Variants in GRIK1 observed in about 807,000 individuals in gnomAD.
GRIK1 encodes glutamate ionotropic receptor kainate type subunit 1, also known as glutamate receptor ionotropic, kainate 1.
A neutral mutation model predicts 105.7 loss-of-function variants in GRIK1; 69 were observed. The observed-to-expected ratio is 0.65, with a 90% CI of 0.54 to 0.80. GRIK1 has a LOEUF of 0.80. Among genes scored for constraint, GRIK1 ranks in the 30% least tolerant of loss-of-function variants. The probability of loss-of-function intolerance (pLI) is 0.00; values close to 1 mark genes in which losing one functional copy is unlikely to be tolerated. For synonymous variants in GRIK1, 438 were observed against 431.3 expected, an observed-to-expected ratio of 1.02 and a Z score of -0.19; for missense variants, 1,109 against 1,167.3, an observed-to-expected ratio of 0.95 and a Z score of 0.73.
chr21:29,747,815 A>G (rs1221729244), intron 1 of GRIK1, among the ~76,000 whole-genome samples: 1 of 152,216 alleles, frequency 6.6e-6, no homozygotes, highest in Non-Finnish European at 1.5e-5. Flanking sequence ...GCGACAGAGC[A>G]TGACTCCATC....
chr21:29,939,136 C>G (rs1334223732), intron 1 of GRIK1, among the ~76,000 whole-genome samples: 1 of 152,162 alleles, frequency 6.6e-6, no homozygotes, highest in African/African-American at 2.4e-5. Context: ...GCACTCTAGC[C>G]CGCGTTCCTG....
intron 1 of GRIK1, among the ~76,000 whole-genome samples, chr21:29,830,643 A>T (rs1389483767): frequency 6.6e-6 from 1 of 152,106 alleles, no homozygotes; most frequent in African/African-American, 2.4e-5. Flanking sequence ...GTTTATTTTC[A>T]TTGTGTCCTA....
chr21:29,918,173 ACTT>A (rs1247436044), intron 1 of GRIK1, among the ~76,000 whole-genome samples: 1 of 152,106 alleles, frequency 6.6e-6, no homozygotes, highest in East Asian at 1.9e-4. Context: ...AGGAGTTACT[ACTT>A]AGAATTACTA....
intron 1 of GRIK1, among the ~76,000 whole-genome samples, chr21:29,905,717 C>G (rs987658007): frequency 7.2e-6 from 1 of 137,998 alleles, no homozygotes; most frequent in Admixed American, 7.3e-5. Context: ...AGCTCCGCCT[C>G]CCAGGTTCAC....
intron 16 of GRIK1, chr21:29,553,411 T>A: frequency 7.5e-7 from 1 of 1,333,030 alleles, no homozygotes; most frequent in Non-Finnish European, 9.6e-7. Flanking sequence ...TGTATTCATT[T>A]CAATGTCTAG....
chr21:29,625,160 A>G (rs1006798681), intron 7 of GRIK1, among the ~76,000 whole-genome samples: 1 of 152,240 alleles, frequency 6.6e-6, no homozygotes, highest in African/African-American at 2.4e-5. Context: ...GCACATCGTA[A>G]TATATACCTC....
At chr21:29,771,373 A>G (rs926084269) in intron 1 of GRIK1, among the ~76,000 whole-genome samples, 3 of 152,244 alleles carry the variant, frequency 2.0e-5, no homozygotes, top group Non-Finnish European at 4.4e-5. Flanking sequence ...GAGAAATAAA[A>G]TATAAGCTTT....
Position 29,600,594 on chromosome 21 carries a change from G to C in GRIK1, c.1099-1657C>G, listed in dbSNP as rs76615842. Among the ~76,000 whole-genome samples, 468 of 152,258 alleles carry C rather than the reference G, an allele frequency of 3.1e-3. 4 individuals are homozygous for C. Among genetic ancestry groups the C allele is most frequent in the Non-Finnish European group, 4.8e-3 (327 of 68,006 alleles). ...TGGGAAGATTCTGAAGAATTACACT[G>C]TATTTGCAGTTATTTGCGCCACGTA... On this transcript the variant is annotated intron_variant, in intron 7 of 17. Transcript: ENST00000327783.
chr21:29,562,983 A>G (rs1055942312), intron 14 of GRIK1, among the ~76,000 whole-genome samples: 1 of 150,798 alleles, frequency 6.6e-6, no homozygotes, highest in Non-Finnish European at 1.5e-5. Flanking sequence ...TTTGCATTTT[A>G]CTCTGTAATT....
intron 1 of GRIK1, among the ~76,000 whole-genome samples, chr21:29,862,148 G>A (rs890765648): frequency 1.3e-5 from 2 of 152,194 alleles, no homozygotes; most frequent in Admixed American, 6.5e-5. Flanking sequence ...CACCAGGCCT[G>A]GCTAATTGTC....
intron 1 of GRIK1, among the ~76,000 whole-genome samples, chr21:29,920,904 G>A (rs1365351497): frequency 2.0e-5 from 3 of 151,396 alleles, no homozygotes; most frequent in Non-Finnish European, 2.9e-5. Context: ...TGTGGCTTCC[G>A]TTCATACCAT....
intron 1 of GRIK1, among the ~76,000 whole-genome samples, chr21:29,893,415 A>G (rs2069981754): frequency 6.6e-6 from 1 of 152,212 alleles, no homozygotes; most frequent in Non-Finnish European, 1.5e-5. Context: ...CTGGAGCCAG[A>G]CTGCTTGGGT....
intron 7 of GRIK1, 155 bp downstream of exon 7, chr21:29,642,671 A>T (rs1038039996): frequency 1.5e-6 from 1 of 652,152 alleles, no homozygotes; most frequent in African/African-American, 1.8e-5. Flanking sequence ...TTCTGGACAA[A>T]CTTTTGACAC....
At chr21:29,569,260 A>G (rs948874358) in intron 14 of GRIK1, among the ~76,000 whole-genome samples, 6 of 152,302 alleles carry the variant, frequency 3.9e-5, no homozygotes, top group Admixed American at 1.3e-4. Context: ...TATGGTGATG[A>G]TGTTATAAGT....
At chr21:29,852,989 T>G (rs1483767070) in intron 1 of GRIK1, among the ~76,000 whole-genome samples, 1 of 152,216 alleles carries the variant, frequency 6.6e-6, no homozygotes, top group Non-Finnish European at 1.5e-5. Context: ...AAGATTTGCA[T>G]AAAATCAACA....
chr21:29,544,211 T>C (rs1290515681), intron 16 of GRIK1, among the ~76,000 whole-genome samples: 1 of 152,220 alleles, frequency 6.6e-6, no homozygotes, highest in Non-Finnish European at 1.5e-5. Flanking sequence ...TTCATCTTTA[T>C]TTAAAGATTT....
At chr21:29,829,155 G>A (rs1032874494) in intron 1 of GRIK1, among the ~76,000 whole-genome samples, 1 of 152,028 alleles carries the variant, frequency 6.6e-6, no homozygotes, top group Non-Finnish European at 1.5e-5. Context: ...TTGTTTCCTA[G>A]GTAAAAACGG....
At chr21:29,815,898 A>G (rs2145908013) in intron 1 of GRIK1, among the ~76,000 whole-genome samples, 1 of 152,262 alleles carries the variant, frequency 6.6e-6, no homozygotes, top group African/African-American at 2.4e-5. Flanking sequence ...AGGCAAAAAT[A>G]TTATGGCTAA....
At chr21:29,598,544 G>A (rs1224355999) in intron 8 of GRIK1, among the ~76,000 whole-genome samples, 1 of 152,128 alleles carries the variant, frequency 6.6e-6, no homozygotes, top group Non-Finnish European at 1.5e-5. Context: ...TGGGCCTAAT[G>A]ACACCCAACT....
Sources: gnomAD v4.1 joint callset for allele counts (sites outside exome capture counted in the v4.1 genomes callset) on GRCh38, gnomAD v4.1.1 for gene constraint, MANE v1.5 for transcripts, NCBI Gene and HGNC (gene_info 2026-07-23, HGNC 2026-07-21) for gene names.